SEMA6D: variants seen among roughly 807,000 people sequenced by gnomAD.
SEMA6D encodes semaphorin 6D, also known as semaphorin-6D.
In SEMA6D, 35 loss-of-function variants were observed where a neutral mutation model predicts 106.6. That is an observed-to-expected ratio of 0.33 (90% CI 0.25 to 0.44). SEMA6D has a LOEUF of 0.44. Ranked by LOEUF, SEMA6D falls within the 20% of genes least tolerant of loss-of-function variation. The pLI, the probability that SEMA6D is intolerant of heterozygous loss-of-function variation, is 1.00. For missense variants in SEMA6D, 1,185 were observed against 1,345.9 expected (o/e 0.88, Z 1.87); for synonymous variants, 499 against 487.7 (o/e 1.02, Z -0.31).
At chr15:47,272,424 G>T (rs920399020) in intron 1 of SEMA6D, among the ~76,000 whole-genome samples, 5 of 152,116 alleles carry the variant, frequency 3.3e-5, no homozygotes, top group African/African-American at 1.2e-4. Flanking sequence ...AGAAGAGTGT[G>T]CTATATATAG....
At chr15:47,515,000 A>G (rs2044343704) in intron 3 of SEMA6D, among the ~76,000 whole-genome samples, 1 of 152,202 alleles carries the variant, frequency 6.6e-6, no homozygotes, top group African/African-American at 2.4e-5. Flanking sequence ...CTGTGTACCT[A>G]TTATTATTTG....
chr15:47,291,975 A>C (rs2035609697), intron 1 of SEMA6D, among the ~76,000 whole-genome samples: 1 of 152,218 alleles, frequency 6.6e-6, no homozygotes, highest in Non-Finnish European at 1.5e-5. Flanking sequence ...TTTGTAAGAG[A>C]AATCTCATGT....
chr15:47,295,829 C>T (rs1023341497), intron 1 of SEMA6D, among the ~76,000 whole-genome samples: 4 of 152,168 alleles, frequency 2.6e-5, no homozygotes, highest in South Asian at 2.1e-4. Flanking sequence ...GCTTGTTTCT[C>T]CTGAATTTAG....
chr15:47,737,397 TC>T (rs1187409238), intron 1 of SEMA6D, among the ~76,000 whole-genome samples: 1 of 152,142 alleles, frequency 6.6e-6, no homozygotes, highest in Non-Finnish European at 1.5e-5. Context: ...CATCTTCCCA[TC>T]CTCCCTTTTT....
chr15:47,511,686 A>G (rs1049187387), intron 3 of SEMA6D, among the ~76,000 whole-genome samples: 5 of 152,338 alleles, frequency 3.3e-5, no homozygotes, highest in African/African-American at 7.2e-5. Context: ...TTCCAAGATA[A>G]CAGTTTTTTT....
chr15:47,393,313 C>T (rs1054969163), intron 1 of SEMA6D: 1 of 152,210 alleles, frequency 6.6e-6, no homozygotes, highest in Non-Finnish European at 1.5e-5. Flanking sequence ...TACTTGACAT[C>T]ATACTTACTT....
At chr15:47,478,592 G>A (rs895333370) in intron 3 of SEMA6D, among the ~76,000 whole-genome samples, 2 of 152,152 alleles carry the variant, frequency 1.3e-5, no homozygotes, top group African/African-American at 2.4e-5. Context: ...GCAGGGTGTT[G>A]TGGTATAGCA....
intron 3 of SEMA6D, among the ~76,000 whole-genome samples, chr15:47,576,450 C>T (rs1443606206): frequency 6.6e-6 from 1 of 152,188 alleles, no homozygotes; most frequent in East Asian, 1.9e-4. Context: ...GTCTGATCAG[C>T]ACCCTACCTG....
intron 1 of SEMA6D, among the ~76,000 whole-genome samples, chr15:47,376,179 C>T (rs2039443035): frequency 6.6e-6 from 1 of 152,212 alleles, no homozygotes; most frequent in Admixed American, 6.5e-5. Context: ...GGTAGCCCAC[C>T]GAAGGGTTGG....
At chr15:47,401,717 G>A (rs796735891) in intron 1 of SEMA6D, among the ~76,000 whole-genome samples, 20 of 152,246 alleles carry the variant, frequency 1.3e-4, no homozygotes, top group African/African-American at 4.8e-4. Context: ...ACCATTTCTA[G>A]TGCCCTTTCC....
At position 47,728,615 on chromosome 15, in the gene SEMA6D, C is replaced by A. The variant is rs200469063; in HGVS notation, c.-55+10923C>A. ...CTGTTGTAACGAATTTCCACAAACG[C>A]ATTGGCCTAAAGCCACACAGATGTA... On this transcript the variant is annotated intron_variant, in intron 1 of 18. Transcript: ENST00000536845. Among the ~76,000 whole-genome samples, 3 of 152,330 alleles carry A rather than the reference C, an allele frequency of 2.0e-5. No homozygotes were observed. In the East Asian group the frequency reaches 5.8e-4, roughly 29 times the overall value.
chr15:47,414,087 G>A (rs1423672434), intron 2 of SEMA6D, among the ~76,000 whole-genome samples: 1 of 152,100 alleles, frequency 6.6e-6, no homozygotes, highest in African/African-American at 2.4e-5. Context: ...AAGAATGATT[G>A]TAAAATAGCT....
chr15:47,622,637 A>G (rs1381644401), intron 4 of SEMA6D, among the ~76,000 whole-genome samples: 1 of 152,174 alleles, frequency 6.6e-6, no homozygotes, highest in African/African-American at 2.4e-5. Flanking sequence ...CACACCAGTA[A>G]GGGAGAGGGG....
chr15:47,622,048 G>C (rs1429572777), intron 4 of SEMA6D, among the ~76,000 whole-genome samples: 1 of 152,186 alleles, frequency 6.6e-6, no homozygotes, highest in East Asian at 1.9e-4. Context: ...ACTACTGAGA[G>C]GGGTGATTGA....
intron 4 of SEMA6D, among the ~76,000 whole-genome samples, chr15:47,687,799 G>T (rs551438418): frequency 9.2e-5 from 14 of 152,270 alleles, no homozygotes; most frequent in African/African-American, 3.4e-4. Flanking sequence ...GATTTGAGAT[G>T]TGAAGGATGG....
rs534849067 is a variant in SEMA6D at position 47,318,540 on chromosome 15, A to G, written c.-238-93853A>G. On this transcript the variant is annotated intron_variant, in intron 1 of 19. Coordinates refer to the SEMA6D transcript ENST00000558014. ...ATGTTTGGTTTTTTGTTCTTGCGAT[A>G]GTTTACTGAGAATGATGATTTCCAA... Among the ~76,000 whole-genome samples, 36 of 149,410 alleles carry G rather than the reference A, an allele frequency of 2.4e-4. No individual in the cohort carries two copies. The South Asian group carries it at 3.2e-3, about 13-fold the overall frequency.
At chr15:47,365,914 AGAGAGAGAGAAAAG>A (rs887218169) in intron 1 of SEMA6D, among the ~76,000 whole-genome samples, 8 of 146,970 alleles carry the variant, frequency 5.4e-5, no homozygotes, top group East Asian at 2.0e-4. Context: ...AGAGAGAGAG[AGAGAGAGAGAAAAG>A]AAAGAAAGAG....
intron 4 of SEMA6D, among the ~76,000 whole-genome samples, chr15:47,673,172 A>G (rs1283458945): frequency 6.6e-6 from 1 of 152,144 alleles, no homozygotes; most frequent in Non-Finnish European, 1.5e-5. Context: ...ACTCCTTGCA[A>G]AGGGAAAAAA....
chr15:47,369,535 A>G (rs1041735119), intron 1 of SEMA6D, among the ~76,000 whole-genome samples: 2 of 152,218 alleles, frequency 1.3e-5, no homozygotes, highest in Non-Finnish European at 2.9e-5. Context: ...TAAAATTCAA[A>G]AGTAATGATT....
Sources: allele counts gnomAD v4.1 joint callset (sites outside exome capture counted in the v4.1 genomes callset), GRCh38; gene constraint gnomAD v4.1.1; transcripts MANE v1.5; gene names NCBI Gene and HGNC (gene_info 2026-07-23, HGNC 2026-07-21).